Variants in PER3 observed in about 807,000 individuals in gnomAD.
The protein encoded by PER3 is period circadian regulator 3.
In PER3, 107 loss-of-function variants were observed where a neutral mutation model predicts 127.2. The observed-to-expected ratio is 0.84, with a 90% CI of 0.72 to 0.99. The LOEUF (loss-of-function observed/expected upper bound fraction) is 0.99, where lower values mean the gene tolerates loss of function less well. Among genes scored for constraint, PER3 ranks in the 50% least tolerant of loss-of-function variants. PER3 has a pLI of 0.00. For missense variants in PER3, 1,560 were observed against 1,525.8 expected, an observed-to-expected ratio of 1.02 and a Z score of -0.37; for synonymous variants, 618 against 585.8, an observed-to-expected ratio of 1.05 and a Z score of -0.79.
In PER3 at chr1:7,843,807, C is replaced by A; in HGVS notation, c.*1052C>A. 2 of 754,144 alleles carry A rather than the reference C, an allele frequency of 2.7e-6. No individual in the cohort carries two copies. The highest frequency in any genetic ancestry group is 3.5e-6 in the Non-Finnish European group (2 of 565,062). 46.7% of individuals were successfully genotyped at this position (754,144 alleles called of 1,614,324 possible). A position where few individuals can be genotyped will look rare whatever the true frequency, so the allele number is the denominator to read the frequency against. On this transcript the variant is annotated 3_prime_UTR_variant, in exon 22 of 22. Transcript: ENST00000377532. ...ACAGGGTCCTGCAGGCTCCATCAGTCACCGCTTTCTATGGCGTTTGTAGTT... is the reference window on the plus strand; with the variant it reads ...ACAGGGTCCTGCAGGCTCCATCAGTAACCGCTTTCTATGGCGTTTGTAGTT...
intron 5 of PER3, among the ~76,000 whole-genome samples, chr1:7,791,708 G>A (rs2097122154): frequency 6.6e-6 from 1 of 152,060 alleles, no homozygotes; most frequent in Admixed American, 6.6e-5. Context: ...TTAATGCTTT[G>A]CTGTTTAGAA....
At chr1:7,840,416 C>T (rs1397565426) in intron 21 of PER3, among the ~76,000 whole-genome samples, 1 of 151,400 alleles carries the variant, frequency 6.6e-6, no homozygotes, top group Admixed American at 6.6e-5. Context: ...CAGCCTCAGT[C>T]TCCTGGGCTC....
At chr1:7,840,067 A>T (rs920189247) in intron 21 of PER3, among the ~76,000 whole-genome samples, 1 of 151,792 alleles carries the variant, frequency 6.6e-6, no homozygotes, top group Non-Finnish European at 1.5e-5. Context: ...ACTTTTCTTC[A>T]GTCTTTTTTC....
Position 7,839,138 on chromosome 1 carries a change from G to T in PER3, c.3549+1989G>T, listed in dbSNP as rs116441693. On this transcript the variant is annotated intron_variant, in intron 21 of 21. Transcript: ENST00000377532. ...GCTATTTTCATTGCGATAACCATGGGGATTACGTTTAGCATTCTAACATAT... is the reference window on the plus strand; with the variant it reads ...GCTATTTTCATTGCGATAACCATGGTGATTACGTTTAGCATTCTAACATAT... Among the ~76,000 whole-genome samples, 669 of 151,992 alleles carry T rather than the reference G, an allele frequency of 4.4e-3. 5 individuals are homozygous for T. Among genetic ancestry groups the T allele is most frequent in the African/African-American group, 0.015 (612 of 41,466 alleles).
At chr1:7,790,961 C>T (rs2097116978) in intron 5 of PER3, among the ~76,000 whole-genome samples, 1 of 152,244 alleles carries the variant, frequency 6.6e-6, no homozygotes, top group Non-Finnish European at 1.5e-5. Context: ...GCCCTTGTGG[C>T]TTTGCAGGGT....
intron 18 of PER3, among the ~76,000 whole-genome samples, chr1:7,829,284 AC>A (rs1248780697): frequency 1.4e-4 from 22 of 152,252 alleles, no homozygotes; most frequent in Admixed American, 1.4e-3. Context: ...AACAGCAGTA[AC>A]TAATAACATA....
Position 7,810,003 on chromosome 1 carries a change from G to A in PER3, c.1353G>A (p.Glu451=), listed in dbSNP as rs764091373. ...GTGAGGCCAGTGGGCACCGTGTGGAGGAGACGAAGGCGGAGCAGGTGCATG... is the reference window on the plus strand; with the variant it reads ...GTGAGGCCAGTGGGCACCGTGTGGAAGAGACGAAGGCGGAGCAGGTGCATG... ...SSSEASGHRV[E]ETKAEQMTLQ... The change falls in exon 12 of 22, where the codon GAG becomes GAA. Residue 451 remains glutamate (E), a synonymous_variant. Coordinates refer to ENST00000377532, the MANE Select transcript of PER3 (RefSeq NM_001377275.1). The A allele has an allele frequency of 1.2e-6, 2 of 1,613,922 alleles. No homozygotes were observed. The highest frequency in any genetic ancestry group is 3.3e-5 in the Admixed American group (2 of 60,006).
chr1:7,842,574 T>C, intron 21 of PER3, 98 bp from the exon 22 acceptor site: 7 of 1,337,992 alleles, frequency 5.2e-6, no homozygotes, highest in Non-Finnish European at 6.0e-6. Flanking sequence ...CATGAATAAG[T>C]TGGGGATTTA....
At chr1:7,787,935 G>A in intron 4 of PER3, 110 bp from the exon 5 acceptor site, 3 of 759,874 alleles carry the variant, frequency 3.9e-6, no homozygotes, top group Admixed American at 2.1e-5. Context: ...GGTTGTGCCT[G>A]TGTATTTTAA....
intron 8 of PER3, among the ~76,000 whole-genome samples, chr1:7,802,545 G>A (rs990640040): frequency 1.5e-4 from 23 of 152,196 alleles, no homozygotes; most frequent in Admixed American, 1.0e-3. Flanking sequence ...GATTACAGGC[G>A]TGAGCCACCG....
In PER3 at chr1:7,840,776, T is replaced by G. The variant is rs1204037013; in HGVS notation, c.3550-1896T>G. ...GTGTGTACCACCATGCCTGGCTAAT[T>G]TTTTTTTTTTTCCCAGAGATGGAGC... On this transcript the variant is annotated intron_variant, in intron 21 of 21. Coordinates refer to ENST00000377532, the MANE Select transcript of PER3 (RefSeq NM_001377275.1). Among the ~76,000 whole-genome samples, 4 of 148,232 alleles carry G rather than the reference T, an allele frequency of 2.7e-5. No individual in the cohort carries two copies. The East Asian group carries it at 7.9e-4, about 29-fold the overall frequency.
chr1:7,799,898 A>G (rs1317529632), intron 7 of PER3, among the ~76,000 whole-genome samples: 1 of 151,792 alleles, frequency 6.6e-6, no homozygotes, highest in Non-Finnish European at 1.5e-5. Context: ...CCTCCAGGGT[A>G]GTTAGGACCA....
At chr1:7,809,210 T>C (rs1425658108) in intron 11 of PER3, among the ~76,000 whole-genome samples, 2 of 152,214 alleles carry the variant, frequency 1.3e-5, no homozygotes, top group Non-Finnish European at 2.9e-5. Context: ...TAAGAACCCA[T>C]TGTAAGACAG....
Position 7,803,675 on chromosome 1 carries a change from C to A in PER3, c.980-17C>A. 1.3e-6 allele frequency: 2 copies of A among 1,496,712 alleles called. No homozygotes were observed. The highest frequency in any genetic ancestry group is 1.8e-6 in the Non-Finnish European group (2 of 1,085,206). The allele number at this position is 1,496,712 out of a possible 1,614,324, so 92.7% of individuals were successfully genotyped here. ...TGTGTTAAGTAAATCCTATTTTTGTCTTATTATTTTATATAGTTTTGAAGT... is the reference window on the plus strand; with the variant it reads ...TGTGTTAAGTAAATCCTATTTTTGTATTATTATTTTATATAGTTTTGAAGT... On this transcript the variant is annotated splice_polypyrimidine_tract_variant and intron_variant, in intron 9 of 21. Transcript: ENST00000377532.
At chr1:7,833,822 T>TC (rs1258659048) in intron 19 of PER3, among the ~76,000 whole-genome samples, 1 of 152,206 alleles carries the variant, frequency 6.6e-6, no homozygotes, top group Non-Finnish European at 1.5e-5. Context: ...TTTCTTTTTT[T>TC]CCTCCTACCC....
In PER3 at chr1:7,833,100, ATATTTT is replaced by A. The variant is rs2097340966; in HGVS notation, c.3215-2655_3215-2650del. ...CCTAATATTTGGAGATTTTTTTTAG[ATATTTT>A]TATTTTATTTCTAATTTAAATGCAG... On this transcript the variant is annotated intron_variant, in intron 19 of 21. Coordinates refer to ENST00000377532, the MANE Select transcript of PER3 (RefSeq NM_001377275.1). Among the ~76,000 whole-genome samples the A allele has an allele frequency of 2.0e-5, 3 of 151,966 alleles. No homozygotes were observed. In the South Asian group the frequency reaches 6.2e-4, roughly 31 times the overall value.
chr1:7,833,615 A>C (rs762905515), intron 19 of PER3, among the ~76,000 whole-genome samples: 1 of 152,032 alleles, frequency 6.6e-6, no homozygotes, highest in Non-Finnish European at 1.5e-5. Context: ...CTTTCAACTT[A>C]TCTGTGTCTT....
At position 7,842,740 on chromosome 1, in the gene PER3, A is replaced by G. The variant is rs1310548241; in HGVS notation, c.3618A>G (p.Val1206=). The change falls in exon 22 of 22, where the codon GTA becomes GTG. Residue 1206 remains valine (V), a synonymous_variant. Transcript: ENST00000377532. ...CCACATCCTGTGGTCAGGTTCTGGTAGAAGACAGCTGTTGAGTGACTGTGA... is the reference window on the plus strand; with the variant it reads ...CCACATCCTGTGGTCAGGTTCTGGTGGAAGACAGCTGTTGAGTGACTGTGA... ...GAATSCGQVL[V]EDSC The G allele has an allele frequency of 6.2e-7, 1 of 1,613,204 alleles. No homozygotes were observed. Among genetic ancestry groups the G allele is most frequent in the Non-Finnish European group, 8.5e-7 (1 of 1,179,342 alleles).
intron 16 of PER3, among the ~76,000 whole-genome samples, chr1:7,824,108 G>A (rs1017873208): frequency 5.3e-5 from 8 of 152,192 alleles, no homozygotes; most frequent in Admixed American, 3.9e-4. Flanking sequence ...ATACTAAAAT[G>A]TATGGGATAC....
Sources: gnomAD v4.1 joint callset for allele counts (sites outside exome capture counted in the v4.1 genomes callset) on GRCh38, gnomAD v4.1.1 for gene constraint, MANE v1.5 for transcripts, NCBI Gene and HGNC (gene_info 2026-07-23, HGNC 2026-07-21) for gene names.